PPP6C: variants seen among roughly 807,000 people sequenced by gnomAD.
PPP6C encodes the protein serine/threonine-protein phosphatase 6 catalytic subunit.
Under a neutral mutation model 39.8 loss-of-function variants are expected in PPP6C, and 11 were observed. The observed-to-expected ratio is 0.28, with a 90% CI of 0.17 to 0.46. PPP6C has a LOEUF of 0.46. Among genes scored for constraint, PPP6C ranks in the 20% least tolerant of loss-of-function variants. The pLI is 1.00. For missense variants in PPP6C, 211 were observed against 373.9 expected, an observed-to-expected ratio of 0.56 and a Z score of 3.59; for synonymous variants, 129 against 130.3, an observed-to-expected ratio of 0.99 and a Z score of 0.07.
intron 1 of PPP6C, among the ~76,000 whole-genome samples, chr9:125,176,691 G>A (rs964930398): frequency 2.0e-5 from 3 of 152,156 alleles, no homozygotes; most frequent in African/African-American, 7.2e-5. Flanking sequence ...GATTGATGGT[G>A]GTGGAGGGGT....
chr9:125,163,425 GT>G (rs1281986385), intron 2 of PPP6C, among the ~76,000 whole-genome samples: 1 of 151,878 alleles, frequency 6.6e-6, no homozygotes, highest in African/African-American at 2.4e-5. Context: ...TTACAGATAT[GT>G]TTTTTTGTTT....
intron 1 of PPP6C, among the ~76,000 whole-genome samples, chr9:125,174,382 T>C (rs1215745595): frequency 5.3e-5 from 8 of 150,048 alleles, no homozygotes; most frequent in Non-Finnish European, 3.0e-5. Context: ...TCCTAAACAT[T>C]ATACAAAAAA....
At chr9:125,159,754 G>A (rs1006795871) in intron 3 of PPP6C, among the ~76,000 whole-genome samples, 2 of 152,220 alleles carry the variant, frequency 1.3e-5, no homozygotes, top group Admixed American at 6.5e-5. Context: ...GCTCACCCCT[G>A]TAATCCCAGC....
At chr9:125,167,720 T>C (rs1471362336) in intron 2 of PPP6C, among the ~76,000 whole-genome samples, 1 of 148,880 alleles carries the variant, frequency 6.7e-6, no homozygotes, top group Non-Finnish European at 1.5e-5. Flanking sequence ...AAAAAATTTT[T>C]TTTTTTTAGA....
At chr9:125,157,415 G>C (rs949319286) in intron 4 of PPP6C, among the ~76,000 whole-genome samples, 2 of 152,086 alleles carry the variant, frequency 1.3e-5, no homozygotes, top group Non-Finnish European at 2.9e-5. Flanking sequence ...AACGATAGAG[G>C]AAAAACTGAT....
intron 1 of PPP6C, among the ~76,000 whole-genome samples, chr9:125,189,338 A>G (rs1829610617): frequency 6.6e-6 from 1 of 152,136 alleles, no homozygotes; most frequent in Admixed American, 6.5e-5. Context: ...TGGGGTGGGG[A>G]GCCGAGCCTT....
chr9:125,162,277 G>T (rs1427359978), intron 2 of PPP6C, among the ~76,000 whole-genome samples: 1 of 151,822 alleles, frequency 6.6e-6, no homozygotes, highest in Non-Finnish European at 1.5e-5. Flanking sequence ...AGCCAATGTG[G>T]TGAAACCCCA....
chr9:125,162,741 A>C (rs1828912316), intron 2 of PPP6C, among the ~76,000 whole-genome samples: 1 of 147,414 alleles, frequency 6.8e-6, no homozygotes, highest in African/African-American at 2.5e-5. Flanking sequence ...ACGCCACTGC[A>C]CTCTAGCCTG....
chr9:125,151,203 G>C, intron 6 of PPP6C: 1 of 1,502,180 alleles, frequency 6.7e-7, no homozygotes, highest in Non-Finnish European at 9.3e-7. Context: ...GGCTGAATGT[G>C]GACTTTGCCT....
intron 1 of PPP6C, among the ~76,000 whole-genome samples, chr9:125,174,489 G>A (rs2131333658): frequency 6.6e-6 from 1 of 150,544 alleles, no homozygotes; most frequent in South Asian, 2.1e-4. Flanking sequence ...TTTTTGGCCT[G>A]GAATCCTTCT....
At chr9:125,183,226 C>G (rs1030472740) in intron 1 of PPP6C, among the ~76,000 whole-genome samples, 1 of 152,140 alleles carries the variant, frequency 6.6e-6, no homozygotes, top group Admixed American at 6.6e-5. Context: ...CTCATATCAC[C>G]GGGCCTACTG....
rs1289206122 is a variant in PPP6C at position 125,153,753 on chromosome 9, A to C, written c.460-11T>G. ...CTGCTCATCTATTAACTAGCAAAAA[A>C]GGATAACAAAGAGTTGAACATATAA... On this transcript the variant is annotated splice_polypyrimidine_tract_variant and intron_variant, in intron 5 of 6. Transcript: ENST00000373547. 3 of 1,610,668 alleles carry C rather than the reference A, an allele frequency of 1.9e-6. No individual in the cohort carries two copies. The highest frequency in any genetic ancestry group is 1.1e-5 in the South Asian group (1 of 91,016).
At chr9:125,180,488 T>G (rs144997518) in intron 1 of PPP6C, among the ~76,000 whole-genome samples, 2,302 of 152,310 alleles carry the variant, frequency 0.015, 108 homozygotes, top group Admixed American at 0.082. Context: ...AATGGCGTGA[T>G]CTTGGCTCAC....
At chr9:125,164,369 G>A (rs1588282100) in intron 2 of PPP6C, among the ~76,000 whole-genome samples, 1 of 151,344 alleles carries the variant, frequency 6.6e-6, no homozygotes, top group East Asian at 2.0e-4. Flanking sequence ...TGGGACTACA[G>A]GCACGTGCCA....
Position 125,148,638 on chromosome 9 carries a change from C to G in PPP6C, c.*1035G>C, listed in dbSNP as rs1835863089. 2 of 152,166 alleles carry G rather than the reference C, an allele frequency of 1.3e-5. No individual in the cohort carries two copies. Among genetic ancestry groups the G allele is most frequent in the South Asian group, 4.1e-4 (2 of 4,834 alleles). 9.4% of individuals were successfully genotyped at this position (152,166 alleles called of 1,614,324 possible). A position where few individuals can be genotyped will look rare whatever the true frequency, so the allele number is the denominator to read the frequency against. ...TTCTAAAAGTTAAGGTCAAGTGTTA[C>G]AGCAAGAGAAGAATGATTCCTATTG... is the stretch of plus-strand genomic sequence containing the variant. On this transcript the variant is annotated 3_prime_UTR_variant, in exon 7 of 7. Transcript: ENST00000373547.
intron 1 of PPP6C, among the ~76,000 whole-genome samples, chr9:125,179,696 T>A (rs1829383450): frequency 6.6e-6 from 1 of 150,752 alleles, no homozygotes; most frequent in Non-Finnish European, 1.5e-5. Flanking sequence ...TGCTTTGTCG[T>A]TCAGGCTGGA....
chr9:125,179,508 ACACACCAGCCT>A (rs942785082), intron 1 of PPP6C, among the ~76,000 whole-genome samples: 41 of 152,078 alleles, frequency 2.7e-4, no homozygotes, highest in African/African-American at 9.7e-4. Flanking sequence ...AGGCTGCCCC[ACACACCAGCCT>A]CACCAGGTCT....
At chr9:125,184,301 T>C (rs568391053) in intron 1 of PPP6C, among the ~76,000 whole-genome samples, 4 of 152,122 alleles carry the variant, frequency 2.6e-5, no homozygotes, top group Admixed American at 6.6e-5. Context: ...GGCAGGAGAA[T>C]TGTTTGAACC....
At chr9:125,159,930 G>A (rs1828819892) in intron 3 of PPP6C, among the ~76,000 whole-genome samples, 2 of 152,080 alleles carry the variant, frequency 1.3e-5, no homozygotes, top group African/African-American at 4.8e-5. Context: ...GCTGAGGCAA[G>A]AGAATCACTT....
Sources: gnomAD v4.1 joint callset for allele counts (sites outside exome capture counted in the v4.1 genomes callset) on GRCh38, gnomAD v4.1.1 for gene constraint, MANE v1.5 for transcripts, NCBI Gene and HGNC (gene_info 2026-07-23, HGNC 2026-07-21) for gene names.